MGAT4C: variants seen among roughly 807,000 people sequenced by gnomAD.
MGAT4C encodes the protein MGAT4 family member C, also known as alpha-1,3-mannosyl-glycoprotein 4-beta-N-acetylglucosaminyltransferase C.
In MGAT4C, 19 loss-of-function variants were observed where a neutral mutation model predicts 40.1. The observed-to-expected ratio is 0.47, with a 90% CI of 0.33 to 0.70. The LOEUF (loss-of-function observed/expected upper bound fraction) is 0.70. Ranked by LOEUF, MGAT4C falls within the 30% of genes least tolerant of loss-of-function variation. The pLI is 0.02. For missense variants in MGAT4C, 491 were observed against 563.2 expected, an observed-to-expected ratio of 0.87 and a Z score of 1.30; for synonymous variants, 181 against 187.1, an observed-to-expected ratio of 0.97 and a Z score of 0.27.
intron 1 of MGAT4C, among the ~76,000 whole-genome samples, chr12:86,836,492 G>T (rs1324536550): frequency 6.6e-6 from 1 of 151,928 alleles, no homozygotes; most frequent in African/African-American, 2.4e-5. Context: ...CTAATAAAAT[G>T]AAATTATGGT....
At chr12:86,408,879 A>AT (rs1199946414) in intron 3 of MGAT4C, among the ~76,000 whole-genome samples, 2 of 151,972 alleles carry the variant, frequency 1.3e-5, no homozygotes, top group Non-Finnish European at 2.9e-5. Flanking sequence ...TATATAACCT[A>AT]TTATTTAAGT....
chr12:86,195,624 T>C (rs765628749), intron 1 of MGAT4C, among the ~76,000 whole-genome samples: 2 of 152,320 alleles, frequency 1.3e-5, no homozygotes, highest in African/African-American at 2.4e-5. Context: ...TATAGGTATT[T>C]ATCTTCCTAT....
At chr12:86,786,468 G>A (rs1406806730) in intron 1 of MGAT4C, among the ~76,000 whole-genome samples, 1 of 151,994 alleles carries the variant, frequency 6.6e-6, no homozygotes, top group Non-Finnish European at 1.5e-5. Context: ...AAGCAAAGAT[G>A]TCAAGAAATT....
At chr12:86,411,808 C>A (rs531007471) in intron 3 of MGAT4C, among the ~76,000 whole-genome samples, 1 of 152,246 alleles carries the variant, frequency 6.6e-6, no homozygotes, top group Non-Finnish European at 1.5e-5. Context: ...CCAGACCCTC[C>A]CATCATAGGC....
intron 3 of MGAT4C, among the ~76,000 whole-genome samples, chr12:86,367,666 G>A (rs1415266296): frequency 6.6e-6 from 1 of 152,154 alleles, no homozygotes; most frequent in Non-Finnish European, 1.5e-5. Flanking sequence ...GGGCGTGGTG[G>A]CAGGTGCCTG....
chr12:86,199,984 T>C (rs1949977766), intron 1 of MGAT4C, among the ~76,000 whole-genome samples: 1 of 152,046 alleles, frequency 6.6e-6, no homozygotes, highest in African/African-American at 2.4e-5. Context: ...ATATAGAACA[T>C]TTCCATCCCC....
chr12:86,599,731 T>C (rs1170021812), intron 2 of MGAT4C: 2 of 152,212 alleles, frequency 1.3e-5, no homozygotes, highest in Non-Finnish European at 2.9e-5. Flanking sequence ...ATAGTGTTTA[T>C]ATCGCATAAC....
At chr12:86,577,195 T>C (rs1325075642) in intron 2 of MGAT4C, among the ~76,000 whole-genome samples, 2 of 151,974 alleles carry the variant, frequency 1.3e-5, no homozygotes, top group Non-Finnish European at 2.9e-5. Context: ...TCCGTTCTAA[T>C]AGTTTTCTTG....
chr12:86,322,990 G>T (rs937066838), intron 4 of MGAT4C, among the ~76,000 whole-genome samples: 1 of 151,942 alleles, frequency 6.6e-6, no homozygotes, highest in Admixed American at 6.6e-5. Context: ...CTCATCACAA[G>T]CATTGCTCAT....
intron 1 of MGAT4C, among the ~76,000 whole-genome samples, chr12:86,223,790 C>T (rs532814939): frequency 1.9e-4 from 29 of 152,256 alleles, no homozygotes; most frequent in African/African-American, 6.5e-4. Context: ...GTCTGAGGTC[C>T]GGCAAACCCA....
At chr12:86,673,547 T>C (rs1474618077) in intron 2 of MGAT4C, among the ~76,000 whole-genome samples, 1 of 152,146 alleles carries the variant, frequency 6.6e-6, no homozygotes, top group African/African-American at 2.4e-5. Flanking sequence ...TTTTAATATA[T>C]GCATAACATA....
intron 2 of MGAT4C, among the ~76,000 whole-genome samples, chr12:86,614,086 C>T (rs1230307618): frequency 6.6e-6 from 1 of 152,032 alleles, no homozygotes; most frequent in Non-Finnish European, 1.5e-5. Flanking sequence ...CTTTGGACTT[C>T]TTAATGGGGA....
At chr12:86,555,392 G>C (rs966939422) in intron 2 of MGAT4C, among the ~76,000 whole-genome samples, 1 of 152,198 alleles carries the variant, frequency 6.6e-6, no homozygotes, top group Admixed American at 6.5e-5. Flanking sequence ...TGAGTATTGG[G>C]AGAAGCTGAG....
At chr12:86,018,816 G>C (rs1889358308) in intron 2 of MGAT4C, among the ~76,000 whole-genome samples, 1 of 152,026 alleles carries the variant, frequency 6.6e-6, no homozygotes, top group Non-Finnish European at 1.5e-5. Context: ...TTTACATTAA[G>C]TTTCACTTTA....
chr12:86,808,051 G>T (rs1952396108), intron 1 of MGAT4C, among the ~76,000 whole-genome samples: 1 of 151,730 alleles, frequency 6.6e-6, no homozygotes, highest in South Asian at 2.1e-4. Context: ...TAAATTCCTG[G>T]ACACATACAC....
intron 2 of MGAT4C, among the ~76,000 whole-genome samples, chr12:86,641,505 A>C (rs1963385617): frequency 6.6e-6 from 1 of 151,696 alleles, no homozygotes; most frequent in Non-Finnish European, 1.5e-5. Context: ...TGTACCCTAA[A>C]ACTTAAAGTA....
chr12:86,819,739 G>A (rs1205328824), intron 1 of MGAT4C, among the ~76,000 whole-genome samples: 5 of 150,674 alleles, frequency 3.3e-5, no homozygotes, highest in Admixed American at 2.7e-4. Context: ...CTAACTTAGA[G>A]TTAATTAGAA....
At position 86,250,816 on chromosome 12, in the gene MGAT4C, C is replaced by T. The variant is rs143142582; in HGVS notation, c.-57+5423G>A. Among the ~76,000 whole-genome samples, 363 of 152,014 alleles carry T rather than the reference C, an allele frequency of 2.4e-3. 1 individual carries two copies. The highest frequency in any genetic ancestry group is 8.1e-3 in the African/African-American group (337 of 41,488). On this transcript the variant is annotated intron_variant, in intron 1 of 4. Coordinates refer to ENST00000611864, the MANE Select transcript of MGAT4C (RefSeq NM_001351288.2). ...TTTTATATGCAGTAAATGATTAACC[C>T]GTGTTTACCAACAAAATCTACAATC...
intron 1 of MGAT4C, among the ~76,000 whole-genome samples, chr12:86,830,101 T>C (rs747910254): frequency 4.6e-5 from 7 of 151,608 alleles, no homozygotes; most frequent in Non-Finnish European, 1.0e-4. Flanking sequence ...TATATCTATG[T>C]TGGGTTGCCT....
Sources: allele counts gnomAD v4.1 joint callset (sites outside exome capture counted in the v4.1 genomes callset), GRCh38; gene constraint gnomAD v4.1.1; transcripts MANE v1.5; gene names NCBI Gene and HGNC (gene_info 2026-07-23, HGNC 2026-07-21).